Variants in MTOR observed in about 807,000 individuals in gnomAD.
The protein encoded by MTOR is serine/threonine-protein kinase mTOR.
A neutral mutation model predicts 319.8 loss-of-function variants in MTOR; 70 were observed. The ratio of observed to expected loss-of-function variants is 0.22; its 90% CI spans 0.18 to 0.27. The LOEUF is 0.27. Among genes scored for constraint, MTOR ranks in the 10% least tolerant of loss-of-function variants. MTOR has a pLI of 1.00. For missense variants in MTOR, 1,890 were observed against 3,274.4 expected (o/e 0.58, Z 10.32); for synonymous variants, 1,183 against 1,211.4 (o/e 0.98, Z 0.49).
At chr1:11,139,033 C>T (rs1301329831) in intron 36 of MTOR, 1 of 382,386 alleles carries the variant, frequency 2.6e-6, no homozygotes, top group Non-Finnish European at 4.6e-6. Context: ...AGAAAGTGTG[C>T]CCTTTCTATG....
chr1:11,204,541 C>G lies in MTOR; in HGVS notation c.3944+20G>C, dbSNP rs752361263. The G allele has an allele frequency of 6.2e-7, 1 of 1,602,966 alleles. No homozygotes were observed. Among genetic ancestry groups the G allele is most frequent in the Middle Eastern group, 1.7e-4 (1 of 6,018 alleles). On this transcript the variant is annotated intron_variant, in intron 26 of 57. Transcript: ENST00000361445. ...GTTTTCTATGTGCTGATCTTCTCCA[C>G]CCGCCCTGACACACTATACCTGGCC... is the stretch of plus-strand genomic sequence containing the variant.
intron 6 of MTOR, among the ~76,000 whole-genome samples, chr1:11,253,546 TC>T (rs1186812188): frequency 6.6e-6 from 1 of 151,896 alleles, no homozygotes; most frequent in Non-Finnish European, 1.5e-5. Context: ...TGGAACACAG[TC>T]CCCCGGCCTG....
rs2100381163 is a variant in MTOR at position 11,124,509 on chromosome 1, C to G, written c.6651G>C (p.Arg2217=). 6.2e-7 allele frequency: 1 copy of G among 1,605,980 alleles called. No homozygotes were observed. The highest frequency in any genetic ancestry group is 1.1e-5 in the South Asian group (1 of 90,870). Residue 2217 remains arginine, a synonymous_variant, in exon 47 of 58, where the codon CGG becomes CGC. Coordinates refer to ENST00000361445, the MANE Select transcript of MTOR (RefSeq NM_004958.4). ...TLLANDPTSL[R]KNLSIQRYAV... Reference sequence around the variant, plus strand: ...GGGTTTCTGAATACCTGAGGTTTTTCCGAAGAGATGTTGGGTCATTGGCCA... The same window carrying G: ...GGGTTTCTGAATACCTGAGGTTTTTGCGAAGAGATGTTGGGTCATTGGCCA...
At chr1:11,159,443 A>C (rs979350471) in intron 29 of MTOR, among the ~76,000 whole-genome samples, 1 of 152,124 alleles carries the variant, frequency 6.6e-6, no homozygotes, top group Non-Finnish European at 1.5e-5. Context: ...GGAGTTTGAG[A>C]CTAGCCTGAT....
intron 28 of MTOR, among the ~76,000 whole-genome samples, chr1:11,178,820 C>T (rs1645064546): frequency 6.6e-6 from 1 of 152,206 alleles, no homozygotes; most frequent in Admixed American, 6.5e-5. Flanking sequence ...GATTTCTTGG[C>T]TTCTGAATGT....
chr1:11,188,782 A>G (rs1036124505), intron 28 of MTOR, among the ~76,000 whole-genome samples: 1 of 152,224 alleles, frequency 6.6e-6, no homozygotes, highest in Non-Finnish European at 1.5e-5. Flanking sequence ...CTATTTCTAG[A>G]ACTTTTCTAA....
chr1:11,136,971 A>G lies in MTOR; in HGVS notation c.5130+2333T>C, dbSNP rs185326556. Among the ~76,000 whole-genome samples, 18 of 151,630 alleles carry G rather than the reference A, an allele frequency of 1.2e-4. 1 individual carries two copies. The East Asian group carries it at 3.1e-3, about 26-fold the overall frequency. On this transcript the variant is annotated intron_variant, in intron 36 of 57. Transcript: ENST00000361445. The stretch of plus-strand genomic sequence containing the variant: ...ATTCTCCCGCCTCAACTTCCTGAGT[A>G]GCTGGGAGTACAGGTATGCATCACC...
At chr1:11,131,010 C>G in intron 38 of MTOR, 1 of 596,444 alleles carries the variant, frequency 1.7e-6, no homozygotes, top group South Asian at 2.0e-5. Context: ...GAGAAGGGCA[C>G]AGCAAGAGGA....
At chr1:11,169,402 AG>A (rs1468885384) in intron 28 of MTOR, among the ~76,000 whole-genome samples, 2 of 152,202 alleles carry the variant, frequency 1.3e-5, no homozygotes, top group Non-Finnish European at 2.9e-5. Context: ...CACAGGAATC[AG>A]GAAAGTCCCC....
chr1:11,211,913 G>C (rs1324115040), intron 23 of MTOR, among the ~76,000 whole-genome samples: 4 of 151,996 alleles, frequency 2.6e-5, no homozygotes, highest in African/African-American at 9.7e-5. Flanking sequence ...TCTTCTCCTT[G>C]CATCCAATTC....
At chr1:11,164,030 A>C (rs1170553580) in intron 29 of MTOR, among the ~76,000 whole-genome samples, 1 of 152,228 alleles carries the variant, frequency 6.6e-6, no homozygotes, top group Non-Finnish European at 1.5e-5. Flanking sequence ...AAATTGATAG[A>C]CCACTAGCAA....
rs1642526027 is a variant in MTOR, at chr1:11,121,539, A to C, written c.6811-171T>G. On this transcript the variant is annotated intron_variant, in intron 48 of 57. Transcript: ENST00000361445. This position sits in a 1 kb window ranked among gnomAD's most constrained non-coding sequence, Gnocchi z 4.9. ...AAAGGAGAAACGAAGTGACCACTCT[A>C]ACCTGATGACCACTGGAACCCCAAG... Among the ~76,000 whole-genome samples the C allele has an allele frequency of 6.6e-6, 1 of 152,222 alleles. No individual in the cohort carries two copies. The highest frequency in any genetic ancestry group is 1.5e-5 in the Non-Finnish European group (1 of 68,036).
intron 6 of MTOR, among the ~76,000 whole-genome samples, chr1:11,251,159 T>C (rs200644694): frequency 3.4e-5 from 3 of 87,360 alleles, no homozygotes; most frequent in Non-Finnish European, 9.4e-5. Flanking sequence ...CTATGTGATA[T>C]GCCCCTCCTT....
chr1:11,222,614 C>T (rs907762398), intron 19 of MTOR, among the ~76,000 whole-genome samples: 4 of 152,144 alleles, frequency 2.6e-5, no homozygotes, highest in African/African-American at 7.2e-5. Flanking sequence ...GCTGATATTA[C>T]AGCCACCATG....
intron 7 of MTOR, 24 bp downstream of exon 7, chr1:11,247,795 G>C (rs1326393890): frequency 6.2e-7 from 1 of 1,612,124 alleles, no homozygotes; most frequent in Admixed American, 1.7e-5. Context: ...TAGGAAAAGA[G>C]GGAAAGGGCC....
chr1:11,120,600 C>T (rs1642471958), intron 49 of MTOR, among the ~76,000 whole-genome samples: 1 of 151,822 alleles, frequency 6.6e-6, no homozygotes, highest in African/African-American at 2.4e-5. Context: ...GATCCTCCTG[C>T]CTTGGCCTCT....
At chr1:11,139,151 G>A (rs2100475474) in intron 36 of MTOR, 153 bp downstream of exon 36, 1 of 1,053,422 alleles carries the variant, frequency 9.5e-7, no homozygotes. Flanking sequence ...ATGAAATCAG[G>A]CCAAATAGCT....
At chr1:11,229,066 G>T in intron 18 of MTOR, 148 bp from the exon 19 acceptor site, 1 of 1,062,104 alleles carries the variant, frequency 9.4e-7, no homozygotes, top group South Asian at 1.5e-5. Flanking sequence ...GGAGTTCAAG[G>T]TCTATTAGGA....
chr1:11,253,419 C>T (rs996900788), intron 6 of MTOR, among the ~76,000 whole-genome samples: 6 of 152,148 alleles, frequency 3.9e-5, no homozygotes, highest in African/African-American at 9.7e-5. Flanking sequence ...TACTGTGAAC[C>T]GTGGGCCTAT....
Sources: gnomAD v4.1 joint callset for allele counts (sites outside exome capture counted in the v4.1 genomes callset) on GRCh38, gnomAD v4.1.1 for gene constraint, Gnocchi (gnomAD v3.1) non-coding constraint, MANE v1.5 for transcripts, NCBI Gene and HGNC (gene_info 2026-07-23, HGNC 2026-07-21) for gene names.